EPHB4: variants seen among roughly 807,000 people sequenced by gnomAD.
EPHB4 encodes EPH receptor B4.
EPHB4 carries 50 observed loss-of-function variants against 110.6 expected under a neutral mutation model. That is an observed-to-expected ratio of 0.45 (90% confidence interval 0.36 to 0.57). The LOEUF is 0.57. Ranked by LOEUF, EPHB4 falls within the 20% of genes least tolerant of loss-of-function variation. The pLI is 0.00. For synonymous variants in EPHB4, 592 were observed against 578.4 expected (o/e 1.02, Z -0.34); for missense variants, 1,128 against 1,382.1 (o/e 0.82, Z 2.91).
At chr7:100,805,366 T>C (rs746273039) in intron 15 of EPHB4, 45 bp from the exon 16 acceptor site, 2 of 1,609,558 alleles carry the variant, frequency 1.2e-6, no homozygotes, top group East Asian at 2.2e-5. Context: ...CAGGCCCAGG[T>C]CCGGGGGAGG....
chr7:100,813,610 C>A lies in EPHB4; in HGVS notation c.1756+42G>T, dbSNP rs756707336. 6.2e-6 allele frequency: 10 copies of A among 1,608,462 alleles called. No homozygotes were observed. In the African/African-American group the frequency reaches 1.2e-4, roughly 19 times the overall value. ...GGATTATAGATAGGAGCCACCACAC[C>A]CGGCCCCAAGCCCCTATTCCCATCA... is the stretch of plus-strand genomic sequence containing the variant. On this transcript the variant is annotated intron_variant, in intron 10 of 16. Coordinates refer to ENST00000358173, the MANE Select transcript of EPHB4 (RefSeq NM_004444.5).
At chr7:100,806,703 C>T in intron 13 of EPHB4, 134 bp from the exon 14 acceptor site, 25 of 1,092,422 alleles carry the variant, frequency 2.3e-5, no homozygotes, top group Non-Finnish European at 3.1e-5. Flanking sequence ...TACTCTCCAA[C>T]TCTGTTTGCC....
rs746856499 is a variant in EPHB4, at chr7:100,813,626, A to G, written c.1756+26T>C. On this transcript the variant is annotated intron_variant, in intron 10 of 16. Transcript: ENST00000358173. ...CCACCACACCCGGCCCCAAGCCCCTATTCCCATCAAATTAGGGCAACCCAC... is the reference window on the plus strand; with the variant it reads ...CCACCACACCCGGCCCCAAGCCCCTGTTCCCATCAAATTAGGGCAACCCAC... 2.5e-6 allele frequency: 4 copies of G among 1,613,120 alleles called. No individual in the cohort carries two copies. In the East Asian group the frequency reaches 8.9e-5, roughly 36 times the overall value.
At chr7:100,813,070 T>C in intron 11 of EPHB4, 25 bp downstream of exon 11, 1 of 1,613,182 alleles carries the variant, frequency 6.2e-7, no homozygotes. Flanking sequence ...CGTTCCCAGG[T>C]GCCCGGGCAG....
At chr7:100,815,129 G>A (rs1362999022) in intron 8 of EPHB4, among the ~76,000 whole-genome samples, 1 of 151,848 alleles carries the variant, frequency 6.6e-6, no homozygotes, top group Non-Finnish European at 1.5e-5. Flanking sequence ...GACCAGCCTG[G>A]GAAACATGGT....
At position 100,818,790 on chromosome 7, in the gene EPHB4, C is replaced by T. The variant is rs2116448178; in HGVS notation, c.1298-146G>A. On this transcript the variant is annotated intron_variant, in intron 6 of 16. Coordinates refer to ENST00000358173, the MANE Select transcript of EPHB4 (RefSeq NM_004444.5). Reference sequence around the variant, plus strand: ...CAGTCTCAGCTTACTGCAACCTCCGCCTCCTGGGTTCAAGCAATTCTTCTG... The same window carrying T: ...CAGTCTCAGCTTACTGCAACCTCCGTCTCCTGGGTTCAAGCAATTCTTCTG... 3 of 1,053,040 alleles carry T rather than the reference C, an allele frequency of 2.8e-6. No individual in the cohort carries two copies. In the East Asian group the frequency reaches 8.2e-5, roughly 29 times the overall value. 65.2% of individuals were successfully genotyped at this position (1,053,040 alleles called of 1,614,324 possible).
chr7:100,811,422 C>G (rs141303000), intron 12 of EPHB4, among the ~76,000 whole-genome samples: 1 of 151,990 alleles, frequency 6.6e-6, no homozygotes, highest in South Asian at 2.1e-4. Context: ...TTTAAAAAGC[C>G]TGTCTATTTA....
intron 12 of EPHB4, among the ~76,000 whole-genome samples, chr7:100,811,342 C>T (rs1023762935): frequency 6.6e-5 from 10 of 151,074 alleles, no homozygotes; most frequent in Non-Finnish European, 1.0e-4. Context: ...AGTTCTCTTT[C>T]CTCTCTAGCC....
chr7:100,823,853 C>A lies in EPHB4; in HGVS notation c.202G>T (p.Gly68Cys). The change falls in exon 3 of 17, where the codon GGC (glycine) becomes TGC (cysteine). Residue 68 changes from glycine (G) to cysteine (C), a missense_variant. This residue lies in a region of EPHB4 where 728 missense variants were observed against 828.6 expected (regional missense o/e 0.88). Transcript: ENST00000358173. The stretch of plus-strand genomic sequence containing the variant: ...CCTGTGCGAAGCCAGTGGGCCTGGC[C>A]CGGGGCACGCTGCACGTCACACACT... ...YEVCDVQRAP[G>C]QAHWLRTGWV... The A allele has an allele frequency of 6.2e-7, 1 of 1,612,758 alleles. No homozygotes were observed. Among genetic ancestry groups the A allele is most frequent in the Non-Finnish European group, 8.5e-7 (1 of 1,179,694 alleles).
chr7:100,813,229 C>T (rs1393422991), intron 10 of EPHB4, 21 bp from the exon 11 acceptor site: 3 of 1,591,356 alleles, frequency 1.9e-6, no homozygotes, highest in Non-Finnish European at 2.6e-6. Context: ...AGGCAGGGCC[C>T]CGTCAGCTGG....
chr7:100,818,461 C>T, intron 7 of EPHB4, 59 bp downstream of exon 7: 1 of 1,583,764 alleles, frequency 6.3e-7, no homozygotes. Context: ...ACCCAGGTGT[C>T]CCAGCCAGGA....
At chr7:100,817,483 A>T in intron 7 of EPHB4, 126 bp from the exon 8 acceptor site, 1 of 1,070,176 alleles carries the variant, frequency 9.3e-7, no homozygotes, top group Non-Finnish European at 1.3e-6. Flanking sequence ...GGCCTTTGGG[A>T]GAACTTACGC....
intron 8 of EPHB4, among the ~76,000 whole-genome samples, chr7:100,815,479 G>A (rs912056624): frequency 1.3e-5 from 2 of 152,184 alleles, no homozygotes; most frequent in African/African-American, 2.4e-5. Context: ...CAGGGACTAA[G>A]GCAACAGAAA....
chr7:100,814,446 T>C (rs1329735645), intron 8 of EPHB4, among the ~76,000 whole-genome samples: 1 of 152,132 alleles, frequency 6.6e-6, no homozygotes, highest in Non-Finnish European at 1.5e-5. Context: ...CTCGGCTAAT[T>C]TGTGTATTTT....
Position 100,805,224 on chromosome 7 carries a change from C to T in EPHB4, c.2776G>A (p.Glu926Lys). ...CCAAAGCCAGCGGCTGCGAAACTTT[C>T]TTCGTATCTTCCCATTTTGATGGCC... ...LRAIKMGRYE[E>K]SFAAAGFGSF... Residue 926 changes from glutamate (E) to lysine (K), a missense_variant, in exon 16 of 17, where the codon GAA (glutamate) becomes AAA (lysine). Glu to Lys is a moderately conservative substitution (Grantham distance 56). Around this residue, in one of 3 missense-constraint regions of EPHB4, gnomAD observed 209 missense variants for 240.5 expected, o/e 0.87. Coordinates refer to ENST00000358173, the MANE Select transcript of EPHB4 (RefSeq NM_004444.5). The T allele has an allele frequency of 6.2e-7, 1 of 1,613,456 alleles. No homozygotes were observed. Among genetic ancestry groups the T allele is most frequent in the African/African-American group, 1.3e-5 (1 of 75,068 alleles).
Position 100,818,564 on chromosome 7 carries a change from G to C in EPHB4, c.1378C>G (p.Pro460Ala), listed in dbSNP as rs1259405750. 3 of 1,613,864 alleles carry C rather than the reference G, an allele frequency of 1.9e-6. No individual in the cohort carries two copies. The highest frequency in any genetic ancestry group is 2.5e-6 in the Non-Finnish European group (3 of 1,180,044). The stretch of plus-strand genomic sequence containing the variant: ...TCGTAGTCCAGCACAGCCCCACTGG[G>C]TGCCCGGGGAACAGCCCAGGCCAGG... ...LSLAWAVPRA[P>A]SGAVLDYEVK... The change falls in exon 7 of 17, where the codon CCC (proline) becomes GCC (alanine). Residue 460 changes from proline (P) to alanine (A), a missense_variant. Pro to Ala is a conservative substitution (Grantham distance 27). Coordinates refer to ENST00000358173, the MANE Select transcript of EPHB4 (RefSeq NM_004444.5).
rs1562976599 is a variant in EPHB4, at chr7:100,827,079, G to A, written c.-49C>T. 7 of 1,546,068 alleles carry A rather than the reference G, an allele frequency of 4.5e-6. No homozygotes were observed. The highest frequency in any genetic ancestry group is 4.9e-5 in the East Asian group (2 of 40,828). On this transcript the variant is annotated 5_prime_UTR_variant, in exon 1 of 17. Transcript: ENST00000358173. ...TCCGAACTGAGTTTGGGGGGCCCTC[G>A]CCCCCCCAGGTCTGACTCTCCCTGG...
chr7:100,804,834 C>CCCGAGTTGACACATTGTTA (rs1330456749), intron 16 of EPHB4, among the ~76,000 whole-genome samples: 1 of 152,136 alleles, frequency 6.6e-6, no homozygotes, highest in Non-Finnish European at 1.5e-5. Context: ...AAAAAGAGAA[C>CCCGAGTTGACACATTGTTA]CCGAGTTGAC....
In EPHB4 at chr7:100,820,132, G is replaced by A. The variant is rs769756568; in HGVS notation, c.964+9C>T. ...CCCAGTGAACTGCACCTGGGTGCTGGTCACTTACTGGTGCAGGGTGCACCC... is the reference window on the plus strand; with the variant it reads ...CCCAGTGAACTGCACCTGGGTGCTGATCACTTACTGGTGCAGGGTGCACCC... On this transcript the variant is annotated intron_variant, in intron 5 of 16. Coordinates refer to ENST00000358173, the MANE Select transcript of EPHB4 (RefSeq NM_004444.5). 2 of 1,612,998 alleles carry A rather than the reference G, an allele frequency of 1.2e-6. No homozygotes were observed. Among genetic ancestry groups the A allele is most frequent in the Admixed American group, 3.3e-5 (2 of 59,970 alleles).
Sources: gnomAD v4.1 joint callset for allele counts (sites outside exome capture counted in the v4.1 genomes callset) on GRCh38, gnomAD v4.1.1 for gene constraint, gnomAD v4.1.1 regional missense constraint, MANE v1.5 for transcripts, NCBI Gene and HGNC (gene_info 2026-07-23, HGNC 2026-07-21) for gene names.